RFPL1: variants seen among roughly 807,000 people sequenced by gnomAD.
RFPL1 encodes ret finger protein like 1.
A neutral mutation model predicts 9.6 loss-of-function variants in RFPL1; 6 were observed. The ratio of observed to expected loss-of-function variants is 0.62; its 90% confidence interval spans 0.34 to 1.23. The LOEUF (loss-of-function observed/expected upper bound fraction) is 1.23. Ranked by LOEUF, RFPL1 falls within the 50% of genes most tolerant of loss-of-function variation. The pLI is 0.03. For missense variants in RFPL1, 352 were observed against 398.4 expected (o/e 0.88, Z 0.99); for synonymous variants, 145 against 149.4 (o/e 0.97, Z 0.22).
At chr22:29,399,720 GGCCCCTTTT>G in the RFPL1 span, among the ~76,000 whole-genome samples, 1 of 151,300 alleles carries the variant, frequency 6.6e-6, no homozygotes, top group Admixed American at 6.6e-5. Context: ...CACTCCCTGT[GGCCCCTTTT>G]GTGGCCCCTT....
At chr22:29,406,373 C>A in the RFPL1 span, among the ~76,000 whole-genome samples, 1 of 151,874 alleles carries the variant, frequency 6.6e-6, no homozygotes, top group African/African-American at 2.4e-5. Flanking sequence ...GTATCTCATC[C>A]TTTTTAGCCC....
the RFPL1 span, among the ~76,000 whole-genome samples, chr22:29,392,068 TTTG>T: frequency 3.9e-5 from 6 of 152,088 alleles, no homozygotes; most frequent in South Asian, 2.1e-4. Flanking sequence ...GTAGAAGGTT[TTTG>T]TTGTTGTTGT....
At chr22:29,421,599 C>G in the RFPL1 span, among the ~76,000 whole-genome samples, 498 of 147,782 alleles carry the variant, frequency 3.4e-3, 11 homozygotes, top group East Asian at 3.4e-3. Flanking sequence ...TGGGCTCAAG[C>G]AAGTAATCCT....
At chr22:29,430,751 C>T in the RFPL1 span, among the ~76,000 whole-genome samples, 1 of 152,166 alleles carries the variant, frequency 6.6e-6, no homozygotes, top group Non-Finnish European at 1.5e-5. Flanking sequence ...GAGAAAACTA[C>T]TTGAAACTAG....
chr22:29,435,357 A>T (rs1479528849), upstream of RFPL1, among the ~76,000 whole-genome samples: 1 of 152,114 alleles, frequency 6.6e-6, no homozygotes, highest in African/African-American at 2.4e-5. Context: ...TCTTCCCTGG[A>T]GCATCTGAAA....
chr22:29,438,610 C>T, exon 1 of RFPL1: 1 of 1,437,824 alleles, frequency 7.0e-7, no homozygotes, highest in South Asian at 1.5e-5. Flanking sequence ...GGCTCAGTTG[C>T]TGGGTCACCA....
the RFPL1 span, among the ~76,000 whole-genome samples, chr22:29,410,805 A>G: frequency 6.6e-6 from 1 of 151,308 alleles, no homozygotes; most frequent in East Asian, 1.9e-4. Context: ...GACGCCTGCC[A>G]CCACACCCAG....
At chr22:29,388,042 C>T in the RFPL1 span, among the ~76,000 whole-genome samples, 1 of 152,104 alleles carries the variant, frequency 6.6e-6, no homozygotes, top group East Asian at 1.9e-4. Flanking sequence ...CTTTTTCAAC[C>T]TTGGCAAAGA....
chr22:29,423,151 G>C, the RFPL1 span: 1 of 1,517,124 alleles, frequency 6.6e-7, no homozygotes, highest in Admixed American at 1.7e-5. Context: ...GAAATATTTT[G>C]AGTCAGTCAT....
At chr22:29,423,077 A>T in the RFPL1 span, 1 of 1,206,672 alleles carries the variant, frequency 8.3e-7, no homozygotes, top group East Asian at 2.4e-5. Context: ...AACAGAAGGG[A>T]CAGGAAGAGA....
chr22:29,395,222 A>G, the RFPL1 span, among the ~76,000 whole-genome samples: 2 of 152,114 alleles, frequency 1.3e-5, no homozygotes, highest in Non-Finnish European at 2.9e-5. Flanking sequence ...GTGCCTTTCT[A>G]TATACATTCC....
At chr22:29,439,078 T>C in exon 1 of RFPL1, 1 of 1,614,134 alleles carries the variant, frequency 6.2e-7, no homozygotes, top group Non-Finnish European at 8.5e-7. Flanking sequence ...AGTTGGCAGC[T>C]AGAGAGGCTG....
chr22:29,431,351 G>A, the RFPL1 span, among the ~76,000 whole-genome samples: 3 of 152,222 alleles, frequency 2.0e-5, no homozygotes, highest in Non-Finnish European at 4.4e-5. Flanking sequence ...AAAGCAGACA[G>A]CAGAACTTAA....
chr22:29,432,602 C>T, the RFPL1 span, among the ~76,000 whole-genome samples: 2 of 152,174 alleles, frequency 1.3e-5, no homozygotes, highest in Admixed American at 6.5e-5. Flanking sequence ...CTCTATAACT[C>T]GCTTGGTTAC....
the RFPL1 span, among the ~76,000 whole-genome samples, chr22:29,422,711 C>A: frequency 6.6e-6 from 1 of 152,024 alleles, no homozygotes; most frequent in Non-Finnish European, 1.5e-5. Flanking sequence ...CCACTGCACT[C>A]CAGCTTGGGC....
At chr22:29,439,467 A>T in intron 1 of RFPL1, 1 of 332,916 alleles carries the variant, frequency 3.0e-6, no homozygotes, top group South Asian at 5.2e-5. Context: ...CCCTGTCTCT[A>T]CTAAAAATAC....
upstream of RFPL1, among the ~76,000 whole-genome samples, chr22:29,435,201 T>C (rs1358392224): frequency 3.9e-5 from 6 of 152,198 alleles, no homozygotes; most frequent in South Asian, 1.0e-3. Context: ...TCCTTTGGGT[T>C]TTATGGGCCG....
At chr22:29,392,483 AG>A in the RFPL1 span, among the ~76,000 whole-genome samples, 2 of 136,528 alleles carry the variant, frequency 1.5e-5, no homozygotes, top group Admixed American at 8.2e-5. Flanking sequence ...TCTGCCTCCC[AG>A]GGTCAAGCAA....
At chr22:29,399,815 C>T in the RFPL1 span, among the ~76,000 whole-genome samples, 1 of 152,016 alleles carries the variant, frequency 6.6e-6, no homozygotes, top group South Asian at 2.1e-4. Flanking sequence ...TCACTCTTCT[C>T]GCAGTTGTTG....
Sources: allele counts gnomAD v4.1 joint callset (sites outside exome capture counted in the v4.1 genomes callset), GRCh38; gene constraint gnomAD v4.1.1; transcripts MANE v1.5; gene names NCBI Gene and HGNC (gene_info 2026-07-23, HGNC 2026-07-21).